The following PCNT variants were observed in gnomAD, a reference collection of about 807,000 sequenced individuals.
PCNT encodes kendrin.
In PCNT, 319 loss-of-function variants were observed where a neutral mutation model predicts 380.4. That is an observed-to-expected ratio of 0.84 (90% confidence interval 0.77 to 0.92). The LOEUF is 0.92. Among genes scored for constraint, PCNT ranks in the 40% least tolerant of loss-of-function variants. The pLI is 0.00. For missense variants in PCNT, 4,400 were observed against 4,255.3 expected (o/e 1.03, Z -0.95); for synonymous variants, 1,845 against 1,735.2 (o/e 1.06, Z -1.57).
chr21:46,389,820 C>G (rs941530875), intron 19 of PCNT, among the ~76,000 whole-genome samples: 1 of 152,240 alleles, frequency 6.6e-6, no homozygotes, highest in East Asian at 1.9e-4. Context: ...CAGCGGCTCA[C>G]TCCTGCAGTC....
rs1601843910 is a variant in PCNT at position 46,363,494 on chromosome 21, A to T, written c.2169A>T (p.Leu723=). 1 of 1,612,170 alleles carries T rather than the reference A, an allele frequency of 6.2e-7. No individual in the cohort carries two copies. The highest frequency in any genetic ancestry group is 2.2e-5 in the East Asian group (1 of 44,854). Reference sequence around the variant, plus strand: ...GTTGTCTGTAGGTAAAACACAATCTAATTGAAGACCACCAGAAGGAACTAA... The same window carrying T: ...GTTGTCTGTAGGTAAAACACAATCTTATTGAAGACCACCAGAAGGAACTAA... ...KDDLEKVKHN[L]IEDHQKELNN... is the part of the protein sequence containing the mutation. The change falls in exon 14 of 47, where the codon CTA becomes CTT. Residue 723 remains leucine, a synonymous_variant. Transcript: ENST00000359568.
chr21:46,359,486 TTTTTG>T lies in PCNT; in HGVS notation c.2154+2300_2154+2304del, dbSNP rs1334780607. On this transcript the variant is annotated intron_variant, in intron 13 of 46. Coordinates refer to ENST00000359568, the MANE Select transcript of PCNT (RefSeq NM_006031.6). Reference sequence around the variant, plus strand: ...TCTGTCCAAAAATACACCTGTTTTTTTTTTGTTTTTTTTTTTTTTTTGAGACAGTG... The same window carrying T: ...TCTGTCCAAAAATACACCTGTTTTTTTTTTTTTTTTTTTTTTGAGACAGTG... Among the ~76,000 whole-genome samples the T allele has an allele frequency of 1.3e-3, 102 of 80,668 alleles. 12 individuals carry two copies. The highest frequency in any genetic ancestry group is 1.9e-3 in the African/African-American group (48 of 25,176). The allele number at this position is 80,668 out of a possible 152,430, so 52.9% of individuals were successfully genotyped here.
chr21:46,355,323 G>T, intron 11 of PCNT, 129 bp from the exon 12 acceptor site: 1 of 963,392 alleles, frequency 1.0e-6, no homozygotes, highest in Non-Finnish European at 1.7e-6. Context: ...AGGGCGCAGC[G>T]TGTGGTCTCA....
chr21:46,325,717 TTGAG>T (rs1199919050), intron 1 of PCNT, among the ~76,000 whole-genome samples: 6 of 152,178 alleles, frequency 3.9e-5, no homozygotes, highest in East Asian at 3.9e-4. Context: ...CGCATACCTC[TTGAG>T]TAAGACGTTA....
Position 46,374,310 on chromosome 21 carries a change from TG to T in PCNT, c.3165+7172del, listed in dbSNP as rs2085261251. ...GTTTTCCCCCAATACAGCATAACCATGATCCATTCTCACCTAAAACATCCAC... is the reference window on the plus strand; with the variant it reads ...GTTTTCCCCCAATACAGCATAACCATATCCATTCTCACCTAAAACATCCAC... On this transcript the variant is annotated intron_variant, in intron 15 of 46. Coordinates refer to ENST00000359568, the MANE Select transcript of PCNT (RefSeq NM_006031.6). Among the ~76,000 whole-genome samples the T allele has an allele frequency of 2.6e-5, 4 of 152,250 alleles. No homozygotes were observed. In the South Asian group the frequency reaches 8.3e-4, roughly 32 times the overall value.
At position 46,389,242 on chromosome 21, in the gene PCNT, G is replaced by A. The variant is rs780621788; in HGVS notation, c.3651G>A (p.Glu1217=). The A allele has an allele frequency of 6.8e-6, 11 of 1,614,126 alleles. No individual in the cohort carries two copies. In the South Asian group the frequency reaches 9.9e-5, roughly 14 times the overall value. The change falls in exon 19 of 47, where the codon GAG becomes GAA. Residue 1217 remains glutamate, a synonymous_variant. Transcript: ENST00000359568. ...CATGGTCTGATGTGGCCCTCCCGGA[G>A]TTGGACAGAACTTTGTCTGAATGTG... ...EETWSDVALP[E]LDRTLSECAE...
At position 46,334,460 on chromosome 21, in the gene PCNT, G is replaced by A. The variant is rs1446512464; in HGVS notation, c.331G>A (p.Asp111Asn). Residue 111 changes from aspartate to asparagine, a missense_variant, in exon 3 of 47, where the codon GAC becomes AAC. Transcript: ENST00000359568. The part of the protein sequence containing the change: ...LEQLQQKQVN[D>N]HPPEQCGMFT... ...ACAGCTGCAGCAGAAGCAAGTCAAT[G>A]ACCATCCTCCAGAGCAGTGTGGGAT... is the stretch of plus-strand genomic sequence containing the variant. 1 of 1,614,198 alleles carries A rather than the reference G, an allele frequency of 6.2e-7. No homozygotes were observed. The highest frequency in any genetic ancestry group is 1.7e-5 in the Admixed American group (1 of 60,018).
intron 14 of PCNT, among the ~76,000 whole-genome samples, chr21:46,366,233 C>T (rs774844750): frequency 1.3e-5 from 2 of 152,268 alleles, no homozygotes; most frequent in East Asian, 3.9e-4. Context: ...CTGGCTCGGA[C>T]GCTGTGGTGT....
Position 46,334,800 on chromosome 21 carries a change from C to CT in PCNT, c.639+35dup, listed in dbSNP as rs766002154. 2.5e-6 allele frequency: 4 copies of CT among 1,614,052 alleles called. No homozygotes were observed. The East Asian group carries it at 8.9e-5, about 36-fold the overall frequency. On this transcript the variant is annotated intron_variant, in intron 3 of 46. Transcript: ENST00000359568. Reference sequence around the variant, plus strand: ...TTTAAGTTCTCTGTTAAGGTGTATTCTTTGTCAAAAGATTTCTTTATGTTG... The same window carrying CT: ...TTTAAGTTCTCTGTTAAGGTGTATTCTTTTGTCAAAAGATTTCTTTATGTTG...
At chr21:46,426,452 G>A (rs1047017117) in intron 33 of PCNT, among the ~76,000 whole-genome samples, 4 of 151,988 alleles carry the variant, frequency 2.6e-5, no homozygotes, top group African/African-American at 9.7e-5. Context: ...GGAGGTGTGT[G>A]GGGGGCAGAA....
chr21:46,376,694 C>T (rs1298913824), intron 15 of PCNT, among the ~76,000 whole-genome samples: 1 of 152,228 alleles, frequency 6.6e-6, no homozygotes, highest in African/African-American at 2.4e-5. Context: ...ACCTCTTACT[C>T]CTGGCCCGCT....
intron 21 of PCNT, among the ~76,000 whole-genome samples, chr21:46,393,393 C>T (rs2086100545): frequency 6.6e-6 from 1 of 152,158 alleles, no homozygotes; most frequent in African/African-American, 2.4e-5. Context: ...GCTGTTGCAT[C>T]TGGGCGTCCG....
Position 46,427,763 on chromosome 21 carries a change from C to T in PCNT, c.7462C>T (p.Leu2488Phe), listed in dbSNP as rs1223426591. ...AGATCTGGGGGGTCACAGCTCCCTG[C>T]TCGAAAGGCTGGAGAAGATCATCCG... Reference protein sequence around the residue: ...GSDLGGHSSLLERLEKIIREQ... With the variant: ...GSDLGGHSSLFERLEKIIREQ... The change falls in exon 34 of 47, where the codon CTC (leucine) becomes TTC (phenylalanine). Residue 2488 changes from leucine (L) to phenylalanine (F), a missense_variant. By Grantham distance (22) the Leu-to-Phe change is conservative. Coordinates refer to ENST00000359568, the MANE Select transcript of PCNT (RefSeq NM_006031.6). The T allele has an allele frequency of 3.1e-6, 5 of 1,613,690 alleles. No homozygotes were observed. The South Asian group carries it at 4.4e-5, about 14-fold the overall frequency.
chr21:46,334,365 T>C (rs1569162309), intron 2 of PCNT, 32 bp from the exon 3 acceptor site: 3 of 1,613,932 alleles, frequency 1.9e-6, no homozygotes, highest in South Asian at 2.2e-5. Flanking sequence ...GACCTTGCTT[T>C]AAATGCTTCT....
chr21:46,373,840 C>G (rs897950916), intron 15 of PCNT, among the ~76,000 whole-genome samples: 2 of 148,144 alleles, frequency 1.4e-5, no homozygotes, highest in Non-Finnish European at 3.0e-5. Context: ...AGCGATTTTC[C>G]TGCCTCAGCC....
chr21:46,356,387 A>G (rs1042789736), intron 12 of PCNT, among the ~76,000 whole-genome samples: 1 of 152,212 alleles, frequency 6.6e-6, no homozygotes, highest in Admixed American at 6.5e-5. Flanking sequence ...GCCCTGCACC[A>G]CAATTGTCCC....
chr21:46,430,365 C>T, intron 36 of PCNT, 133 bp downstream of exon 36: 4 of 1,396,516 alleles, frequency 2.9e-6, no homozygotes, highest in Non-Finnish European at 4.0e-6. Context: ...GCCCTGCTGT[C>T]CCTGGGTTGA....
At chr21:46,327,816 G>T (rs1301047061) in intron 2 of PCNT, among the ~76,000 whole-genome samples, 2 of 152,236 alleles carry the variant, frequency 1.3e-5, no homozygotes, top group African/African-American at 4.8e-5. Context: ...TGAAGGTGTT[G>T]CAGACATGGT....
chr21:46,353,951 C>A (rs142460733), intron 10 of PCNT, 36 bp from the exon 11 acceptor site: 1 of 1,550,302 alleles, frequency 6.5e-7, no homozygotes, highest in Admixed American at 1.7e-5. Context: ...AAAAGGGGTA[C>A]GTGTGTAAAG....
Sources: allele counts gnomAD v4.1 joint callset (sites outside exome capture counted in the v4.1 genomes callset), GRCh38; gene constraint gnomAD v4.1.1; transcripts MANE v1.5; gene names NCBI Gene and HGNC (gene_info 2026-07-23, HGNC 2026-07-21).